The following PXYLP1 variants were observed in gnomAD, a reference collection of about 807,000 sequenced individuals.
PXYLP1 encodes the protein acid phosphatase-like 2.
PXYLP1 carries 17 observed loss-of-function variants against 37.9 expected under a neutral mutation model. The ratio of observed to expected loss-of-function variants is 0.45; its 90% CI spans 0.31 to 0.67. The LOEUF is 0.67. Ranked by LOEUF, PXYLP1 falls within the 30% of genes least tolerant of loss-of-function variation. PXYLP1 has a pLI of 0.07. For missense variants in PXYLP1, 511 were observed against 612.0 expected (o/e 0.84, Z 1.74); for synonymous variants, 221 against 232.2 (o/e 0.95, Z 0.44).
At chr3:141,240,037 A>C (rs1324813046) in intron 1 of PXYLP1, among the ~76,000 whole-genome samples, 1 of 152,234 alleles carries the variant, frequency 6.6e-6, no homozygotes, top group Non-Finnish European at 1.5e-5. Context: ...GGCTTAAGTA[A>C]ATAGGGGTTT....
chr3:141,250,990 G>C (rs2148719915), intron 1 of PXYLP1, among the ~76,000 whole-genome samples: 1 of 152,346 alleles, frequency 6.6e-6, no homozygotes. Context: ...ATATCTAAGA[G>C]TGGTATTCAG....
intron 1 of PXYLP1, among the ~76,000 whole-genome samples, chr3:141,255,421 A>T (rs1010143506): frequency 1.3e-5 from 2 of 152,250 alleles, no homozygotes; most frequent in African/African-American, 4.8e-5. Context: ...TCATGATGCC[A>T]TGTTGAGCCA....
At chr3:141,263,298 A>T (rs867518242) in intron 2 of PXYLP1, among the ~76,000 whole-genome samples, 2 of 152,238 alleles carry the variant, frequency 1.3e-5, no homozygotes, top group Non-Finnish European at 2.9e-5. Context: ...CAGTTTCTCA[A>T]AATATGTTCA....
rs73232928 is a variant in PXYLP1, at chr3:141,236,972, G to A, written c.-54+5061G>A. Among the ~76,000 whole-genome samples, 575 of 152,246 alleles carry A rather than the reference G, an allele frequency of 3.8e-3. 5 individuals carry two copies. Among genetic ancestry groups the A allele is most frequent in the Non-Finnish European group, 6.3e-3 (429 of 68,006 alleles). The stretch of plus-strand genomic sequence containing the variant: ...AAGTTATATTAATTATTAGGATCAT[G>A]CATTATGTTTATACAGTACCTTACT... On this transcript the variant is annotated intron_variant, in intron 1 of 5. Transcript: ENST00000286353.
At chr3:141,241,482 G>T (rs1347606266) in intron 1 of PXYLP1, among the ~76,000 whole-genome samples, 1 of 152,174 alleles carries the variant, frequency 6.6e-6, no homozygotes, top group African/African-American at 2.4e-5. Flanking sequence ...AGTATTGGAA[G>T]ATGTCACCCA....
In PXYLP1 at chr3:141,292,195, C is replaced by T. The variant is rs983604818; in HGVS notation, c.506-73C>T. On this transcript the variant is annotated intron_variant, in intron 5 of 5. Transcript: ENST00000286353. This position sits in a 1 kb window ranked among gnomAD's most constrained non-coding sequence, Gnocchi z 4.3. The stretch of plus-strand genomic sequence containing the variant: ...CCCTAAAACACTCCAGAGCCACACG[C>T]TGACTCCACCTCCCCTTGCTGTTTC... 3 of 1,433,010 alleles carry T rather than the reference C, an allele frequency of 2.1e-6. No individual in the cohort carries two copies. Among genetic ancestry groups the T allele is most frequent in the African/African-American group, 2.9e-5 (2 of 70,106 alleles). The allele number at this position is 1,433,010 out of a possible 1,614,324, so 88.8% of individuals were successfully genotyped here.
At chr3:141,262,677 A>T in intron 2 of PXYLP1, 1 of 1,533,470 alleles carries the variant, frequency 6.5e-7, no homozygotes, top group South Asian at 1.2e-5. Flanking sequence ...TACGTTGGAG[A>T]TCGGAAAGAT....
At chr3:141,257,904 C>CA (rs59070598) in intron 1 of PXYLP1, among the ~76,000 whole-genome samples, 1,274 of 79,334 alleles carry the variant, frequency 0.016, 48 homozygotes, top group Middle Eastern at 0.034. Flanking sequence ...AACTCTGTCT[C>CA]AAAAAAAAAA....
intron 5 of PXYLP1, among the ~76,000 whole-genome samples, chr3:141,291,380 C>G (rs1318591327): frequency 6.6e-6 from 1 of 152,082 alleles, no homozygotes; most frequent in East Asian, 1.9e-4. Context: ...ATTATCATAC[C>G]ATGATAGTTC....
intron 2 of PXYLP1, among the ~76,000 whole-genome samples, chr3:141,265,862 AC>A (rs1941497941): frequency 6.6e-6 from 1 of 152,228 alleles, no homozygotes; most frequent in Non-Finnish European, 1.5e-5. Flanking sequence ...GAAAGAGGCC[AC>A]GGGAAAGTGC....
chr3:141,262,802 T>C (rs990187447), intron 2 of PXYLP1: 13 of 1,084,564 alleles, frequency 1.2e-5, no homozygotes, highest in Non-Finnish European at 1.6e-5. Context: ...CTTTATTGGT[T>C]GCTTATTATT....
chr3:141,274,231 A>G (rs1941736091), intron 2 of PXYLP1: 3 of 1,180,924 alleles, frequency 2.5e-6, no homozygotes, highest in Non-Finnish European at 3.2e-6. Context: ...TGTGGTGAGT[A>G]GCACAGCACC....
At position 141,244,166 on chromosome 3, in the gene PXYLP1, T is replaced by TA. The variant is rs951817416; in HGVS notation, c.-54+12264dup. On this transcript the variant is annotated intron_variant, in intron 1 of 5. Coordinates refer to ENST00000286353, the MANE Select transcript of PXYLP1 (RefSeq NM_001037172.3). ...CTCTCCTTTTAATGTTTTTCCTTTT[T>TA]AAAAAAAAATTGTTACTTTTACAAA... Among the ~76,000 whole-genome samples, 73 of 152,014 alleles carry TA rather than the reference T, an allele frequency of 4.8e-4. 1 individual carries two copies. The South Asian group carries it at 0.013, about 28-fold the overall frequency.
chr3:141,257,648 A>G (rs1163746280), intron 1 of PXYLP1, among the ~76,000 whole-genome samples: 2 of 152,152 alleles, frequency 1.3e-5, no homozygotes, highest in Non-Finnish European at 2.9e-5. Flanking sequence ...ACAGTGGCTC[A>G]CACCTGTAAT....
At chr3:141,275,853 A>G (rs959540583) in intron 2 of PXYLP1, among the ~76,000 whole-genome samples, 2 of 152,210 alleles carry the variant, frequency 1.3e-5, no homozygotes, top group African/African-American at 4.8e-5. Context: ...ATATATTTCT[A>G]TACATATAGA....
At chr3:141,286,358 G>C (rs1442128201) in intron 4 of PXYLP1, among the ~76,000 whole-genome samples, 1 of 152,166 alleles carries the variant, frequency 6.6e-6, no homozygotes, top group Non-Finnish European at 1.5e-5. Context: ...ATGAGAGGTT[G>C]TATGTCCAAA....
intron 2 of PXYLP1, among the ~76,000 whole-genome samples, chr3:141,277,872 G>C (rs1941835848): frequency 6.6e-6 from 1 of 152,156 alleles, no homozygotes; most frequent in African/African-American, 2.4e-5. Context: ...TGCTCTCATG[G>C]GTTAGATGAG....
At position 141,292,304 on chromosome 3, in the gene PXYLP1, G is replaced by C; in HGVS notation, c.542G>C (p.Arg181Thr). ...VQHLQNGQLL[R>T]DIYLKKHKLL... ...CATTTGCAGAACGGTCAGCTGCTGAGGGATATCTATCTAAAGAAACACAAA... is the reference window on the plus strand; with the variant it reads ...CATTTGCAGAACGGTCAGCTGCTGACGGATATCTATCTAAAGAAACACAAA... The change falls in exon 6 of 6, where the codon AGG becomes ACG. Residue 181 changes from arginine to threonine, a missense_variant. By Grantham distance (71) the Arg-to-Thr change is moderately conservative (BLOSUM62 -1). Transcript: ENST00000286353. The surrounding 1 kb of genome is among the most constrained non-coding windows in gnomAD (Gnocchi z 4.3). 6.2e-7 allele frequency: 1 copy of C among 1,610,112 alleles called. No individual in the cohort carries two copies. The highest frequency in any genetic ancestry group is 8.5e-7 in the Non-Finnish European group (1 of 1,178,020).
At chr3:141,257,117 T>C (rs553458826) in intron 1 of PXYLP1, among the ~76,000 whole-genome samples, 1 of 152,362 alleles carries the variant, frequency 6.6e-6, no homozygotes, top group African/African-American at 2.4e-5. Flanking sequence ...GATGAGGATA[T>C]TGAGATCTAG....
Sources: allele counts gnomAD v4.1 joint callset (sites outside exome capture counted in the v4.1 genomes callset), GRCh38; gene constraint gnomAD v4.1.1; non-coding constraint Gnocchi (gnomAD v3.1); transcripts MANE v1.5; gene names NCBI Gene and HGNC (gene_info 2026-07-23, HGNC 2026-07-21).